Variants in SASS6 observed in about 807,000 individuals in gnomAD.
SASS6 encodes SAS-6 centriolar assembly protein, also known as spindle assembly abnormal protein 6 homolog.
SASS6 carries 59 observed loss-of-function variants against 94.9 expected under a neutral mutation model. The ratio of observed to expected loss-of-function variants is 0.62; its 90% CI spans 0.50 to 0.77. SASS6 has a LOEUF of 0.77. Ranked by LOEUF, SASS6 falls within the 30% of genes least tolerant of loss-of-function variation. SASS6 has a pLI of 0.00. For synonymous variants in SASS6, 264 were observed against 270.0 expected, an observed-to-expected ratio of 0.98 and a Z score of 0.22; for missense variants, 698 against 734.1, an observed-to-expected ratio of 0.95 and a Z score of 0.57.
Position 100,103,001 on chromosome 1 carries a change from T to C in SASS6, c.1628A>G (p.His543Arg). The change falls in exon 14 of 17, where the codon CAT (histidine) becomes CGT (arginine). Residue 543 changes from histidine to arginine, a missense_variant. Coordinates refer to ENST00000287482, the MANE Select transcript of SASS6 (RefSeq NM_194292.3). ...SAFAFQNTFP[H>R]SISAKNTSHP... The stretch of plus-strand genomic sequence containing the variant: ...GCTGGTATTTTTGGCAGATATCGAA[T>C]GAGGGAAGGTATTCTGGAATGCAAA... 6.2e-7 allele frequency: 1 copy of C among 1,611,654 alleles called. No homozygotes were observed. The highest frequency in any genetic ancestry group is 2.2e-5 in the East Asian group (1 of 44,834).
chr1:100,112,790 G>A (rs535183842), intron 7 of SASS6, among the ~76,000 whole-genome samples: 97 of 152,238 alleles, frequency 6.4e-4, no homozygotes, highest in Middle Eastern at 3.4e-3. Context: ...CAGAATAATC[G>A]GTATCAGCTA....
chr1:100,120,872 A>G (rs929114893), intron 5 of SASS6, among the ~76,000 whole-genome samples: 1 of 151,750 alleles, frequency 6.6e-6, no homozygotes, highest in African/African-American at 2.4e-5. Flanking sequence ...AAAACGGTGA[A>G]ACCCCGTCTC....
intron 7 of SASS6, among the ~76,000 whole-genome samples, chr1:100,114,571 A>C (rs1188391164): frequency 6.6e-6 from 1 of 151,676 alleles, no homozygotes; most frequent in Non-Finnish European, 1.5e-5. Context: ...AAAAAAAATT[A>C]TCTAGGCCTG....
intron 14 of SASS6, among the ~76,000 whole-genome samples, chr1:100,093,433 C>G (rs560594317): frequency 6.6e-6 from 1 of 152,072 alleles, no homozygotes; most frequent in African/African-American, 2.4e-5. Context: ...GGACTTAGGA[C>G]GTAGTCTATC....
chr1:100,117,152 G>C lies in SASS6; in HGVS notation c.669+1866C>G, dbSNP rs1309639875. ...TCACTAAAAATACAAAATTTAGCCG[G>C]GCATGGTGGCACATGTGTAATTCCA... On this transcript the variant is annotated intron_variant, in intron 7 of 16. Coordinates refer to ENST00000287482, the MANE Select transcript of SASS6 (RefSeq NM_194292.3). 2.0e-5 allele frequency among the ~76,000 whole-genome samples: 3 copies of C among 151,816 alleles called. No homozygotes were observed. The East Asian group carries it at 5.8e-4, about 29-fold the overall frequency.
chr1:100,132,854 CA>C lies in SASS6; in HGVS notation c.-41del. The C allele has an allele frequency of 6.3e-7, 1 of 1,584,876 alleles. No homozygotes were observed. The highest frequency in any genetic ancestry group is 1.1e-5 in the South Asian group (1 of 90,478). ...TCGGCTGGTGTGCAGAAAAGCCCAA[CA>C]GGCCCGGCCCTCGGGATTAGCCTGA... is the stretch of plus-strand genomic sequence containing the variant. On this transcript the variant is annotated 5_prime_UTR_variant, in exon 1 of 17. Coordinates refer to ENST00000287482, the MANE Select transcript of SASS6 (RefSeq NM_194292.3).
At chr1:100,105,670 A>C in intron 13 of SASS6, 97 bp downstream of exon 13, 1 of 1,190,050 alleles carries the variant, frequency 8.4e-7, no homozygotes, top group Non-Finnish European at 1.2e-6. Flanking sequence ...TTGTATTGGT[A>C]TCAGCACCTT....
intron 14 of SASS6, among the ~76,000 whole-genome samples, chr1:100,092,147 C>A (rs1158523099): frequency 6.6e-6 from 1 of 150,526 alleles, no homozygotes; most frequent in African/African-American, 2.4e-5. Flanking sequence ...CCAGACACAT[C>A]ATTGTTAAAC....
At chr1:100,088,536 C>T (rs1035479866) in intron 14 of SASS6, among the ~76,000 whole-genome samples, 4 of 152,140 alleles carry the variant, frequency 2.6e-5, no homozygotes, top group Non-Finnish European at 5.9e-5. Flanking sequence ...GTGATCCTCC[C>T]GTCTCAGCCT....
At chr1:100,088,452 G>C (rs543217213) in intron 14 of SASS6, among the ~76,000 whole-genome samples, 1 of 152,176 alleles carries the variant, frequency 6.6e-6, no homozygotes, top group East Asian at 1.9e-4. Flanking sequence ...CACGAAGTCT[G>C]GCTAATTTTT....
intron 11 of SASS6, among the ~76,000 whole-genome samples, 175 bp from the exon 12 acceptor site, chr1:100,107,168 T>C (rs1053069696): frequency 7.9e-5 from 12 of 152,030 alleles, no homozygotes; most frequent in African/African-American, 4.8e-5. Flanking sequence ...TATACAAACA[T>C]AGACATACAT....
At chr1:100,116,826 C>T (rs952792484) in intron 7 of SASS6, among the ~76,000 whole-genome samples, 16 of 152,012 alleles carry the variant, frequency 1.1e-4, no homozygotes, top group African/African-American at 3.9e-4. Context: ...GTATGATAAC[C>T]TCCTATGGAC....
chr1:100,087,201 TG>T (rs59499110), intron 15 of SASS6, among the ~76,000 whole-genome samples: 6,290 of 152,200 alleles, frequency 0.041, 325 homozygotes, highest in African/African-American at 0.12. Context: ...AGGCTGGTCT[TG>T]GAACTCCCGG....
At chr1:100,092,557 C>T (rs1651800323) in intron 14 of SASS6, among the ~76,000 whole-genome samples, 1 of 151,994 alleles carries the variant, frequency 6.6e-6, no homozygotes, top group South Asian at 2.1e-4. Context: ...CTTCTCCACT[C>T]CAGAGTTTTT....
intron 7 of SASS6, among the ~76,000 whole-genome samples, chr1:100,118,431 G>A (rs1432713228): frequency 2.0e-5 from 3 of 152,082 alleles, no homozygotes; most frequent in Non-Finnish European, 4.4e-5. Context: ...CTTTTTGGGT[G>A]GCAAATTTGC....
At chr1:100,113,452 CA>C (rs563557003) in intron 7 of SASS6, among the ~76,000 whole-genome samples, 2 of 151,032 alleles carry the variant, frequency 1.3e-5, no homozygotes, top group Admixed American at 6.6e-5. Flanking sequence ...ACTAAAAAGA[CA>C]AAAAAAAGTA....
At chr1:100,115,628 G>C (rs1653741416) in intron 7 of SASS6, among the ~76,000 whole-genome samples, 1 of 152,152 alleles carries the variant, frequency 6.6e-6, no homozygotes, top group African/African-American at 2.4e-5. Flanking sequence ...AGGAGTTCAA[G>C]ACCAGCGTGG....
chr1:100,085,596 T>C lies in SASS6; in HGVS notation c.1807A>G (p.Lys603Glu). 1 of 1,612,722 alleles carries C rather than the reference T, an allele frequency of 6.2e-7. No homozygotes were observed. The highest frequency in any genetic ancestry group is 8.5e-7 in the Non-Finnish European group (1 of 1,178,996). The change falls in exon 16 of 17, where the codon AAG becomes GAG. Residue 603 changes from lysine to glutamate, a missense_variant. Transcript: ENST00000287482. ...ENVGLESKYL[K>E]KREDSIPLRG... ...AAAGGAATGCTATCTTCCCTTTTCTTCAGGTATTTGGATTCCAACCCTACA... is the reference window on the plus strand; with the variant it reads ...AAAGGAATGCTATCTTCCCTTTTCTCCAGGTATTTGGATTCCAACCCTACA...
intron 13 of SASS6, 145 bp from the exon 14 acceptor site, chr1:100,103,228 C>T (rs1652639383): frequency 1.8e-6 from 1 of 558,690 alleles, no homozygotes; most frequent in Non-Finnish European, 3.1e-6. Flanking sequence ...TCATGCCACA[C>T]AACTCTGCTT....
Sources: gnomAD v4.1 joint callset for allele counts (sites outside exome capture counted in the v4.1 genomes callset) on GRCh38, gnomAD v4.1.1 for gene constraint, MANE v1.5 for transcripts, NCBI Gene and HGNC (gene_info 2026-07-23, HGNC 2026-07-21) for gene names.